The following RPS6KC1 variants were observed in gnomAD, a reference collection of about 807,000 sequenced individuals.
RPS6KC1 encodes the protein inactive ribosomal protein S6 kinase delta-1.
Under a neutral mutation model 103.8 loss-of-function variants are expected in RPS6KC1, and 54 were observed. The observed-to-expected ratio is 0.52, with a 90% CI of 0.42 to 0.65. RPS6KC1 has a LOEUF of 0.65. Among genes scored for constraint, RPS6KC1 ranks in the 30% least tolerant of loss-of-function variants. The probability of loss-of-function intolerance (pLI) is 0.00; values close to 1 mark genes in which losing one functional copy is unlikely to be tolerated. For synonymous variants in RPS6KC1, 439 were observed against 438.7 expected (o/e 1.00, Z -0.01); for missense variants, 1,151 against 1,253.8 (o/e 0.92, Z 1.24).
At chr1:213,300,107 T>C in the RPS6KC1 span, among the ~76,000 whole-genome samples, 4 of 152,238 alleles carry the variant, frequency 2.6e-5, no homozygotes, top group Admixed American at 6.5e-5. Context: ...ACCCCGCCGC[T>C]AAATTCTTTT....
At chr1:213,267,953 C>A (rs2094949878) in intron 14 of RPS6KC1, among the ~76,000 whole-genome samples, 1 of 151,364 alleles carries the variant, frequency 6.6e-6, no homozygotes. Flanking sequence ...AGCAAATGTA[C>A]CAGTATACAT....
the RPS6KC1 span, among the ~76,000 whole-genome samples, chr1:213,711,913 A>G: frequency 2.6e-5 from 4 of 152,252 alleles, no homozygotes; most frequent in South Asian, 8.3e-4. Context: ...CACCCCTCAG[A>G]TGCCAGCCAG....
intron 3 of RPS6KC1, among the ~76,000 whole-genome samples, chr1:213,079,856 C>T (rs546266488): frequency 6.6e-6 from 1 of 151,856 alleles, no homozygotes; most frequent in African/African-American, 2.4e-5. Flanking sequence ...GAATTTTAAT[C>T]CTTTTTTTTC....
At chr1:213,137,899 TAGGGGGCCCTGGGA>T (rs2086569246) in intron 6 of RPS6KC1, among the ~76,000 whole-genome samples, 1 of 138,614 alleles carries the variant, frequency 7.2e-6, no homozygotes, top group Non-Finnish European at 1.5e-5. Flanking sequence ...TGGCTTACAA[TAGGGGGCCCTGGGA>T]GTGCTGTTGT....
At chr1:213,477,444 C>T in the RPS6KC1 span, among the ~76,000 whole-genome samples, 1 of 150,848 alleles carries the variant, frequency 6.6e-6, no homozygotes, top group Non-Finnish European at 1.5e-5. Context: ...TGTTATATTT[C>T]TAATAGATTT....
At chr1:213,152,840 C>T (rs547398587) in intron 6 of RPS6KC1, among the ~76,000 whole-genome samples, 98 of 152,260 alleles carry the variant, frequency 6.4e-4, no homozygotes, top group African/African-American at 2.2e-3. Context: ...GACGGGGTGG[C>T]GGCCGGGCAG....
At chr1:213,808,950 C>T in the RPS6KC1 span, among the ~76,000 whole-genome samples, 1 of 152,234 alleles carries the variant, frequency 6.6e-6, no homozygotes, top group Admixed American at 6.5e-5. Context: ...ACTTTCTTAT[C>T]ATTCCTGTGT....
chr1:213,234,579 A>G lies in RPS6KC1; in HGVS notation c.1225+2324A>G, dbSNP rs541024426. Among the ~76,000 whole-genome samples the G allele has an allele frequency of 1.8e-4, 28 of 152,330 alleles. No individual in the cohort carries two copies. The East Asian group carries it at 5.4e-3, about 29-fold the overall frequency. ...AACAAACTTGGGATGTTTGATGACCAAGAAAGGTATCATTTGGTTGGAATG... is the reference window on the plus strand; with the variant it reads ...AACAAACTTGGGATGTTTGATGACCGAGAAAGGTATCATTTGGTTGGAATG... On this transcript the variant is annotated intron_variant, in intron 10 of 14. Transcript: ENST00000366960.
At chr1:213,322,982 T>G in the RPS6KC1 span, among the ~76,000 whole-genome samples, 1 of 128,994 alleles carries the variant, frequency 7.8e-6, no homozygotes, top group Non-Finnish European at 1.6e-5. Flanking sequence ...CAAGCTGGTC[T>G]CGAACCCCTA....
Position 213,241,358 on chromosome 1 carries a change from C to T in RPS6KC1, c.1882C>T (p.Pro628Ser), listed in dbSNP as rs772963271. Residue 628 changes from proline to serine, a missense_variant, in exon 11 of 15, where the codon CCT becomes TCT. Pro to Ser is a moderately conservative substitution (Grantham distance 74, BLOSUM62 -1). Coordinates refer to ENST00000366960, the MANE Select transcript of RPS6KC1 (RefSeq NM_012424.6). ...GEKLYSLKSEPLKPFFTLPDG... is the reference protein window; with the variant it reads ...GEKLYSLKSESLKPFFTLPDG... ...AAAATTGTATAGTCTAAAATCAGAA[C>T]CTTTGAAACCATTCTTTACTCTTCC... The T allele has an allele frequency of 1.9e-6, 3 of 1,613,854 alleles. No individual in the cohort carries two copies. The highest frequency in any genetic ancestry group is 2.2e-5 in the East Asian group (1 of 44,874).
intron 8 of RPS6KC1, among the ~76,000 whole-genome samples, chr1:213,187,878 T>C (rs951346217): frequency 6.6e-6 from 1 of 152,194 alleles, no homozygotes; most frequent in Admixed American, 6.5e-5. Context: ...AGTGAATCTT[T>C]ACATCTAGGT....
intron 8 of RPS6KC1, among the ~76,000 whole-genome samples, chr1:213,180,382 G>T (rs1273376553): frequency 6.6e-6 from 1 of 152,168 alleles, no homozygotes; most frequent in East Asian, 1.9e-4. Flanking sequence ...GATATAACTA[G>T]AACCAAATTA....
chr1:213,534,251 G>A, the RPS6KC1 span, among the ~76,000 whole-genome samples: 4 of 152,174 alleles, frequency 2.6e-5, no homozygotes, highest in East Asian at 7.7e-4. Flanking sequence ...TCTTATCCAG[G>A]TCAAGCCTGA....
the RPS6KC1 span, among the ~76,000 whole-genome samples, chr1:213,666,913 A>G: frequency 3.3e-5 from 5 of 152,232 alleles, no homozygotes; most frequent in Non-Finnish European, 7.3e-5. Context: ...GTTCTTAGTG[A>G]GAAGTGTCCT....
chr1:213,114,052 T>G (rs1463212476), intron 4 of RPS6KC1, among the ~76,000 whole-genome samples: 1 of 152,004 alleles, frequency 6.6e-6, no homozygotes, highest in East Asian at 1.9e-4. Flanking sequence ...GGCTCTTTTT[T>G]GGTTCCATAT....
chr1:213,646,706 C>T, the RPS6KC1 span, among the ~76,000 whole-genome samples: 16 of 151,840 alleles, frequency 1.1e-4, no homozygotes, highest in East Asian at 3.9e-4. Flanking sequence ...AGGGAGGAAA[C>T]GGAACACCCC....
chr1:213,665,087 A>G, the RPS6KC1 span, among the ~76,000 whole-genome samples: 1 of 152,146 alleles, frequency 6.6e-6, no homozygotes, highest in African/African-American at 2.4e-5. Context: ...ATCATTTTAC[A>G]GATACACAAT....
At chr1:213,380,984 G>A in the RPS6KC1 span, among the ~76,000 whole-genome samples, 4 of 152,184 alleles carry the variant, frequency 2.6e-5, no homozygotes, top group Non-Finnish European at 5.9e-5. Flanking sequence ...AAGGATGCCT[G>A]GCTTGGCGGA....
chr1:213,150,330 T>A (rs1326461615), intron 6 of RPS6KC1, among the ~76,000 whole-genome samples: 1 of 147,166 alleles, frequency 6.8e-6, no homozygotes, highest in Non-Finnish European at 1.5e-5. Flanking sequence ...TTATTTATTT[T>A]TTATTGATAA....
Sources: gnomAD v4.1 joint callset for allele counts (sites outside exome capture counted in the v4.1 genomes callset) on GRCh38, gnomAD v4.1.1 for gene constraint, MANE v1.5 for transcripts, NCBI Gene and HGNC (gene_info 2026-07-23, HGNC 2026-07-21) for gene names.